Variants in ATRN observed in about 807,000 individuals in gnomAD.
ATRN encodes attractin.
A neutral mutation model predicts 178.7 loss-of-function variants in ATRN; 54 were observed. The observed-to-expected ratio is 0.30, with a 90% CI of 0.24 to 0.38. ATRN has a LOEUF of 0.38. Ranked by LOEUF, ATRN falls within the 10% of genes least tolerant of loss-of-function variation. ATRN has a pLI of 1.00. For synonymous variants in ATRN, 636 were observed against 663.0 expected, an observed-to-expected ratio of 0.96 and a Z score of 0.63; for missense variants, 1,443 against 1,815.1, an observed-to-expected ratio of 0.79 and a Z score of 3.73.
chr20:3,641,892 G>A (rs963761637), intron 27 of ATRN, among the ~76,000 whole-genome samples: 7 of 152,176 alleles, frequency 4.6e-5, no homozygotes, highest in Non-Finnish European at 1.0e-4. Context: ...TAAAGTGTAA[G>A]AAAGAATAGT....
intron 1 of ATRN, among the ~76,000 whole-genome samples, chr20:3,491,189 T>C (rs1473668392): frequency 6.6e-6 from 1 of 152,204 alleles, no homozygotes; most frequent in African/African-American, 2.4e-5. Context: ...CCCCCGTGTC[T>C]TCTCCAAATG....
intron 24 of ATRN, among the ~76,000 whole-genome samples, chr20:3,621,288 C>T (rs1322060219): frequency 6.6e-6 from 1 of 151,972 alleles, no homozygotes; most frequent in East Asian, 1.9e-4. Flanking sequence ...TGACATCTGC[C>T]GTCAGGTACA....
intron 6 of ATRN, among the ~76,000 whole-genome samples, chr20:3,552,035 A>G (rs1367146826): frequency 6.6e-6 from 1 of 152,196 alleles, no homozygotes; most frequent in East Asian, 1.9e-4. Context: ...TCTGGCACCA[A>G]CATTTGATAC....
chr20:3,486,294 C>T (rs575931532), intron 1 of ATRN, among the ~76,000 whole-genome samples: 3 of 152,180 alleles, frequency 2.0e-5, no homozygotes, highest in Non-Finnish European at 4.4e-5. Context: ...GCCCCATTCC[C>T]ATGCCTTCCC....
At chr20:3,577,178 T>A (rs2086224720) in intron 14 of ATRN, among the ~76,000 whole-genome samples, 181 bp downstream of exon 14, 1 of 152,216 alleles carries the variant, frequency 6.6e-6, no homozygotes, top group African/African-American at 2.4e-5. Flanking sequence ...AAGTATTTGT[T>A]CCTACTGTCC....
chr20:3,634,911 G>A (rs1426511223), intron 26 of ATRN, among the ~76,000 whole-genome samples: 1 of 152,074 alleles, frequency 6.6e-6, no homozygotes, highest in Admixed American at 6.5e-5. Flanking sequence ...AAAGTAATAA[G>A]CAAATATTTA....
chr20:3,579,490 C>CA (rs932669082), intron 15 of ATRN, among the ~76,000 whole-genome samples: 2 of 151,714 alleles, frequency 1.3e-5, no homozygotes, highest in African/African-American at 2.4e-5. Context: ...CGTCTCAAAA[C>CA]AAAAAAAGAA....
At position 3,629,330 on chromosome 20, in the gene ATRN, C is replaced by G. The variant is rs73893054; in HGVS notation, c.3863+4758C>G. 1.6e-3 allele frequency: 1,537 copies of G among 982,462 alleles called. 12 individuals carry two copies. In the African/African-American group the frequency reaches 0.022, roughly 14 times the overall value. The allele number at this position is 982,462 out of a possible 1,614,324, so 60.9% of individuals were successfully genotyped here. ...TCCGCTTTTCCATATTCAGCTTGCA[C>G]TCTTCTCTTCCACATTTCTGCTACC... On this transcript the variant is annotated intron_variant, in intron 25 of 28. Transcript: ENST00000262919.
chr20:3,565,164 T>A (rs1455774545), intron 10 of ATRN, among the ~76,000 whole-genome samples, 184 bp from the exon 11 acceptor site: 1 of 152,162 alleles, frequency 6.6e-6, no homozygotes, highest in African/African-American at 2.4e-5. Flanking sequence ...GATCCCGCCT[T>A]TCTTCCATGC....
intron 1 of ATRN, among the ~76,000 whole-genome samples, chr20:3,489,027 C>G (rs1461068023): frequency 6.6e-6 from 1 of 152,142 alleles, no homozygotes; most frequent in Non-Finnish European, 1.5e-5. Context: ...GTGGCGTGAT[C>G]TTGGCTCACT....
chr20:3,631,180 C>T, intron 25 of ATRN, among the ~76,000 whole-genome samples: 1 of 151,650 alleles, frequency 6.6e-6, no homozygotes, highest in Non-Finnish European at 1.5e-5. Context: ...AAACTTCTGG[C>T]CTCAAGCAGT....
chr20:3,471,085 G>A lies in ATRN; in HGVS notation c.-23G>A. 1 of 1,506,766 alleles carries A rather than the reference G, an allele frequency of 6.6e-7. No homozygotes were observed. The highest frequency in any genetic ancestry group is 8.8e-7 in the Non-Finnish European group (1 of 1,134,414). The allele number at this position is 1,506,766 out of a possible 1,614,324, so 93.3% of individuals were successfully genotyped here. The stretch of plus-strand genomic sequence containing the variant: ...GCGGTGTGTGTGTATGTGTTCGCGG[G>A]GCGCCGTCTCAGCCCCGGGAAGATG... On this transcript the variant is annotated 5_prime_UTR_variant, in exon 1 of 29. Transcript: ENST00000262919.
At position 3,499,634 on chromosome 20, in the gene ATRN, T is replaced by G. The variant is rs879205179; in HGVS notation, c.410+28117T>G. The stretch of plus-strand genomic sequence containing the variant: ...GCTGGGAAAACTGGCTAGCCATATG[T>G]AGAAAGCTGAAACTGGATCCCTTCC... On this transcript the variant is annotated intron_variant, in intron 1 of 28. Coordinates refer to ENST00000262919, the MANE Select transcript of ATRN (RefSeq NM_139321.3). Among the ~76,000 whole-genome samples the G allele has an allele frequency of 6.6e-3, 975 of 147,630 alleles. 13 individuals carry two copies. Among genetic ancestry groups the G allele is most frequent in the African/African-American group, 0.023 (914 of 39,818 alleles).
chr20:3,481,664 A>G (rs2084622911), intron 1 of ATRN, among the ~76,000 whole-genome samples: 1 of 143,036 alleles, frequency 7.0e-6, no homozygotes, highest in Non-Finnish European at 1.5e-5. Context: ...TTTTTAATTA[A>G]GTTTTCAGTT....
intron 1 of ATRN, among the ~76,000 whole-genome samples, chr20:3,511,974 C>G (rs1398610767): frequency 6.8e-6 from 1 of 147,482 alleles, no homozygotes; most frequent in Non-Finnish European, 1.5e-5. Flanking sequence ...AATTATGCTT[C>G]TGTTTTTGTG....
chr20:3,547,794 C>G (rs2085728195), intron 5 of ATRN, among the ~76,000 whole-genome samples: 1 of 152,028 alleles, frequency 6.6e-6, no homozygotes, highest in African/African-American at 2.4e-5. Flanking sequence ...GGGACAAGAG[C>G]TGACAATAAT....
rs75324337 is a variant in ATRN at position 3,536,899 on chromosome 20, G to A, written c.494+1563G>A. Among the ~76,000 whole-genome samples, 129 of 152,262 alleles carry A rather than the reference G, an allele frequency of 8.5e-4. 2 individuals carry two copies. In the East Asian group the frequency reaches 0.016, roughly 19 times the overall value. On this transcript the variant is annotated intron_variant, in intron 2 of 28. Coordinates refer to ENST00000262919, the MANE Select transcript of ATRN (RefSeq NM_139321.3). The stretch of plus-strand genomic sequence containing the variant: ...TTGATACCATATCAAAACTTAACAA[G>A]TAGTAATTTCTTAAAAGTAAATTGC...
chr20:3,616,223 A>G (rs944149978), intron 24 of ATRN, among the ~76,000 whole-genome samples: 9 of 151,994 alleles, frequency 5.9e-5, no homozygotes, highest in Admixed American at 2.0e-4. Context: ...CTTTGGCTGG[A>G]CAGGTAAATC....
intron 1 of ATRN, among the ~76,000 whole-genome samples, chr20:3,509,876 T>C (rs1292673722): frequency 6.6e-6 from 1 of 152,226 alleles, no homozygotes; most frequent in Non-Finnish European, 1.5e-5. Context: ...AAAGCACAAC[T>C]TTGTATTCTA....
Sources: allele counts gnomAD v4.1 joint callset (sites outside exome capture counted in the v4.1 genomes callset), GRCh38; gene constraint gnomAD v4.1.1; transcripts MANE v1.5; gene names NCBI Gene and HGNC (gene_info 2026-07-23, HGNC 2026-07-21).